KLHL8: variants seen among roughly 807,000 people sequenced by gnomAD.
KLHL8 encodes kelch-like protein 8.
KLHL8 carries 38 observed loss-of-function variants against 63.5 expected under a neutral mutation model. The ratio of observed to expected loss-of-function variants is 0.60; its 90% CI spans 0.46 to 0.78. The LOEUF (loss-of-function observed/expected upper bound fraction) is 0.78, where lower values mean the gene tolerates loss of function less well. KLHL8 is among the 30% of genes least tolerant of loss of function. The probability of loss-of-function intolerance (pLI) is 0.00; values close to 1 mark genes in which losing one functional copy is unlikely to be tolerated. For missense variants in KLHL8, 566 were observed against 752.4 expected (o/e 0.75, Z 2.90); for synonymous variants, 224 against 254.3 (o/e 0.88, Z 1.13).
intron 1 of KLHL8, among the ~76,000 whole-genome samples, chr4:87,226,887 T>A (rs867335275): frequency 2.6e-4 from 7 of 26,502 alleles, no homozygotes; most frequent in Non-Finnish European, 3.0e-4. Flanking sequence ...ATAATATATA[T>A]TATATATAAA....
intron 2 of KLHL8, among the ~76,000 whole-genome samples, chr4:87,189,856 C>A (rs576808732): frequency 2.0e-5 from 3 of 151,148 alleles, no homozygotes; most frequent in Non-Finnish European, 3.0e-5. Flanking sequence ...GGTGAAACCC[C>A]GTCTATACTG....
At chr4:87,200,993 A>T (rs2110024406) in intron 1 of KLHL8, among the ~76,000 whole-genome samples, 1 of 152,358 alleles carries the variant, frequency 6.6e-6, no homozygotes, top group South Asian at 2.1e-4. Flanking sequence ...ATGCTACAAC[A>T]TGGATGAATC....
chr4:87,174,403 G>A (rs537534167), intron 6 of KLHL8, among the ~76,000 whole-genome samples: 74 of 151,586 alleles, frequency 4.9e-4, no homozygotes, highest in Admixed American at 2.6e-3. Context: ...CTTAGCCTCC[G>A]CAGCAGCTGG....
At chr4:87,165,171 A>G (rs1255095408) in intron 8 of KLHL8, among the ~76,000 whole-genome samples, 2 of 151,148 alleles carry the variant, frequency 1.3e-5, no homozygotes, top group African/African-American at 4.8e-5. Flanking sequence ...AAAAAAAAAA[A>G]AAGGTCAGAA....
intron 8 of KLHL8, chr4:87,167,540 TG>T: frequency 1.8e-6 from 1 of 541,416 alleles, no homozygotes; most frequent in Non-Finnish European, 3.7e-6. Context: ...AGAACTCGAA[TG>T]GCCTTGTCTT....
intron 8 of KLHL8, among the ~76,000 whole-genome samples, chr4:87,164,526 A>G (rs531896869): frequency 1.3e-5 from 2 of 152,270 alleles, no homozygotes; most frequent in Admixed American, 6.5e-5. Flanking sequence ...GATAAAAGTT[A>G]AAGTTTTCCA....
At chr4:87,209,981 G>A (rs939678891) in intron 1 of KLHL8, among the ~76,000 whole-genome samples, 2 of 151,384 alleles carry the variant, frequency 1.3e-5, no homozygotes, top group Non-Finnish European at 2.9e-5. Flanking sequence ...AGCCTTCTGA[G>A]TAGCTGGGAC....
chr4:87,182,182 G>A (rs530015644), intron 4 of KLHL8, among the ~76,000 whole-genome samples: 8 of 136,646 alleles, frequency 5.9e-5, no homozygotes, highest in Admixed American at 5.0e-4. Context: ...TGAGCCAGCC[G>A]AGATCGCGCC....
At chr4:87,170,685 G>A in intron 6 of KLHL8, 70 bp from the exon 7 acceptor site, 1 of 1,334,100 alleles carries the variant, frequency 7.5e-7, no homozygotes. Flanking sequence ...ATAAAAAATT[G>A]TGCTAATGCA....
intron 1 of KLHL8, among the ~76,000 whole-genome samples, chr4:87,217,394 T>C (rs1732637097): frequency 6.6e-6 from 1 of 152,020 alleles, no homozygotes; most frequent in African/African-American, 2.4e-5. Context: ...AGTGCAGTGA[T>C]GCAATCATGG....
chr4:87,206,017 C>T (rs1483809586), intron 1 of KLHL8, among the ~76,000 whole-genome samples: 2 of 152,114 alleles, frequency 1.3e-5, no homozygotes, highest in Admixed American at 1.3e-4. Context: ...TTTTAGATTC[C>T]CCTACTTTTA....
At chr4:87,189,601 G>T (rs1162386810) in intron 2 of KLHL8, among the ~76,000 whole-genome samples, 1 of 151,896 alleles carries the variant, frequency 6.6e-6, no homozygotes, top group South Asian at 2.1e-4. Context: ...ATCATGGCTC[G>T]AGTGCCACTT....
At chr4:87,165,383 GT>G (rs1298403261) in intron 8 of KLHL8, among the ~76,000 whole-genome samples, 9 of 151,656 alleles carry the variant, frequency 5.9e-5, no homozygotes, top group Non-Finnish European at 1.2e-4. Context: ...TAGATTAAGG[GT>G]TTTTTTAAAT....
intron 2 of KLHL8, 87 bp from the exon 3 acceptor site, chr4:87,185,886 A>C (rs979476511): frequency 8.9e-7 from 1 of 1,126,844 alleles, no homozygotes; most frequent in Non-Finnish European, 1.2e-6. Flanking sequence ...GCAGGGACAA[A>C]ATTTCCAGAC....
chr4:87,230,990 T>C (rs1733126418), intron 1 of KLHL8, among the ~76,000 whole-genome samples: 1 of 152,174 alleles, frequency 6.6e-6, no homozygotes, highest in Non-Finnish European at 1.5e-5. Flanking sequence ...TCTGGAGAAA[T>C]GTCCAGCCCT....
In KLHL8 at chr4:87,178,459, A is replaced by G. The variant is rs760583203; in HGVS notation, c.1096+18T>C. On this transcript the variant is annotated intron_variant, in intron 5 of 9. Transcript: ENST00000273963. The stretch of plus-strand genomic sequence containing the variant: ...GAGCATTGTGATCATATGATATTTC[A>G]GACAAGAGTGGACCCACCTTCCACA... 1 of 1,583,936 alleles carries G rather than the reference A, an allele frequency of 6.3e-7. No individual in the cohort carries two copies. The highest frequency in any genetic ancestry group is 8.5e-7 in the Non-Finnish European group (1 of 1,171,050).
intron 1 of KLHL8, among the ~76,000 whole-genome samples, chr4:87,228,873 C>A (rs1340760661): frequency 6.6e-6 from 1 of 152,190 alleles, no homozygotes. Flanking sequence ...ATGGTTGCTA[C>A]CAGTCATGAA....
At chr4:87,213,344 AAAAAATTAAT>A (rs1459887262) in intron 1 of KLHL8, among the ~76,000 whole-genome samples, 1 of 152,240 alleles carries the variant, frequency 6.6e-6, no homozygotes, top group Non-Finnish European at 1.5e-5. Context: ...AATGCCTACT[AAAAAATTAAT>A]TTATCAATAA....
At chr4:87,223,507 A>G (rs1425990437), upstream of KLHL8, among the ~76,000 whole-genome samples, 1 of 152,172 alleles carries the variant, frequency 6.6e-6, no homozygotes, top group Non-Finnish European at 1.5e-5. Context: ...ACAAAATTGA[A>G]TAGTCCCTGC....
Sources: allele counts gnomAD v4.1 joint callset (sites outside exome capture counted in the v4.1 genomes callset), GRCh38; gene constraint gnomAD v4.1.1; transcripts MANE v1.5; gene names NCBI Gene and HGNC (gene_info 2026-07-23, HGNC 2026-07-21).